CCDC178: variants seen among roughly 807,000 people sequenced by gnomAD.
CCDC178 encodes the protein coiled-coil domain-containing protein 178.
In CCDC178, 126 loss-of-function variants were observed where a neutral mutation model predicts 117.4. The observed-to-expected ratio is 1.07, with a 90% CI of 0.93 to 1.24. CCDC178 has a LOEUF of 1.24. Ranked by LOEUF, CCDC178 falls within the 50% of genes most tolerant of loss-of-function variation. The pLI, the probability that CCDC178 is intolerant of heterozygous loss-of-function variation, is 0.00. For synonymous variants in CCDC178, 283 were observed against 313.4 expected, an observed-to-expected ratio of 0.90 and a Z score of 1.02; for missense variants, 1,030 against 986.9, an observed-to-expected ratio of 1.04 and a Z score of -0.59.
chr18:32,950,451 T>G (rs2054455100), intron 22 of CCDC178, among the ~76,000 whole-genome samples: 1 of 152,208 alleles, frequency 6.6e-6, no homozygotes, highest in Non-Finnish European at 1.5e-5. Flanking sequence ...TTCCATATGC[T>G]TTGTTCAGTG....
chr18:33,222,153 C>T (rs540308440), intron 18 of CCDC178, among the ~76,000 whole-genome samples: 1 of 151,992 alleles, frequency 6.6e-6, no homozygotes, highest in Non-Finnish European at 1.5e-5. Context: ...AAGATTCTAG[C>T]CGTTTAACAA....
chr18:33,358,108 G>A (rs2063081303), intron 6 of CCDC178, among the ~76,000 whole-genome samples: 1 of 151,850 alleles, frequency 6.6e-6, no homozygotes, highest in Admixed American at 6.6e-5. Flanking sequence ...ATGTATTTGT[G>A]TATCTAAATA....
rs1599201506 is a variant in CCDC178 at position 33,348,791 on chromosome 18, A to G, written c.457+99T>C. ...ATTAAACATTCATAATAATTATAAA[A>G]TTCTTAAACATGATTATTGTGACAA... On this transcript the variant is annotated intron_variant, in intron 8 of 22. Coordinates refer to ENST00000383096, the MANE Select transcript of CCDC178 (RefSeq NM_001105528.4). 6.6e-6 allele frequency: 5 copies of G among 754,004 alleles called. No homozygotes were observed. In the East Asian group the frequency reaches 1.1e-4, roughly 17 times the overall value. 46.7% of individuals were successfully genotyped at this position (754,004 alleles called of 1,614,324 possible).
At chr18:33,308,152 A>G (rs2062283595) in intron 11 of CCDC178, among the ~76,000 whole-genome samples, 1 of 152,152 alleles carries the variant, frequency 6.6e-6, no homozygotes, top group Non-Finnish European at 1.5e-5. Context: ...GACACTCAAT[A>G]CCAGCCCATG....
chr18:33,158,962 G>A (rs1248724007), intron 20 of CCDC178, among the ~76,000 whole-genome samples: 2 of 152,048 alleles, frequency 1.3e-5, no homozygotes, highest in African/African-American at 4.8e-5. Flanking sequence ...CAATTTGACA[G>A]TATTTACTCT....
chr18:33,172,833 A>G (rs1005681950), intron 20 of CCDC178, among the ~76,000 whole-genome samples: 2 of 152,158 alleles, frequency 1.3e-5, no homozygotes, highest in African/African-American at 4.8e-5. Flanking sequence ...AGGATGCATA[A>G]TTCTTTCACT....
rs72941584 is a variant in CCDC178, at chr18:32,999,773, T to C, written c.2389-25092A>G. On this transcript the variant is annotated intron_variant, in intron 21 of 22. Coordinates refer to ENST00000383096, the MANE Select transcript of CCDC178 (RefSeq NM_001105528.4). ...CTCTATGTGTCTGTAAGAGCCACAT[T>C]TTACTGGGCTTGGGGTGATCCCTAA... 1.3e-3 allele frequency among the ~76,000 whole-genome samples: 194 copies of C among 152,240 alleles called. 2 individuals are homozygous for C. Among genetic ancestry groups the C allele is most frequent in the Middle Eastern group, 3.4e-3 (1 of 294 alleles).
intron 22 of CCDC178, among the ~76,000 whole-genome samples, chr18:32,973,729 A>C (rs991680210): frequency 1.3e-5 from 2 of 152,108 alleles, no homozygotes; most frequent in African/African-American, 4.8e-5. Flanking sequence ...TGTTTAGAAA[A>C]AGATTTGGTT....
intron 21 of CCDC178, among the ~76,000 whole-genome samples, chr18:33,006,867 G>C (rs2055761269): frequency 6.6e-6 from 1 of 151,990 alleles, no homozygotes; most frequent in Non-Finnish European, 1.5e-5. Context: ...AAGAAAAACT[G>C]ATTTCTGCCA....
chr18:33,060,778 A>G (rs959159650), intron 21 of CCDC178, among the ~76,000 whole-genome samples: 4 of 152,150 alleles, frequency 2.6e-5, no homozygotes, highest in African/African-American at 9.6e-5. Context: ...GAAAAATGGA[A>G]TATTTCTCTC....
intron 10 of CCDC178, among the ~76,000 whole-genome samples, chr18:33,325,923 C>T (rs2062578556): frequency 6.6e-6 from 1 of 152,190 alleles, no homozygotes; most frequent in Admixed American, 6.5e-5. Flanking sequence ...GTGCCAACAT[C>T]ACCCTTTTCT....
In CCDC178 at chr18:33,440,674, G is replaced by A. The variant is rs1364523333; in HGVS notation, c.-164C>T. On this transcript the variant is annotated 5_prime_UTR_variant, in exon 1 of 23. Transcript: ENST00000383096. ...TCACCGGCTCCGCGCGTTTCCCCGC[G>A]CGTCTCCCGGACCCGCGCCTGCCCA... 6.6e-6 allele frequency: 1 copy of A among 152,008 alleles called. No homozygotes were observed. Among genetic ancestry groups the A allele is most frequent in the Non-Finnish European group, 1.5e-5 (1 of 68,082 alleles). 9.4% of individuals were successfully genotyped at this position (152,008 alleles called of 1,614,324 possible).
At chr18:33,434,894 T>A (rs2064268706) in intron 2 of CCDC178, among the ~76,000 whole-genome samples, 1 of 152,166 alleles carries the variant, frequency 6.6e-6, no homozygotes, top group African/African-American at 2.4e-5. Context: ...AGTGTCTTCA[T>A]CAATTTTCAA....
chr18:33,094,411 T>C (rs1180372806), intron 20 of CCDC178, among the ~76,000 whole-genome samples: 1 of 151,976 alleles, frequency 6.6e-6, no homozygotes, highest in African/African-American at 2.4e-5. Flanking sequence ...AATCCTGAAG[T>C]GATTAACTTG....
At chr18:33,170,771 C>T (rs17740157) in intron 20 of CCDC178, among the ~76,000 whole-genome samples, 17,654 of 152,046 alleles carry the variant, frequency 0.12, 1,402 homozygotes, top group Non-Finnish European at 0.17. Flanking sequence ...TTTTTCTATC[C>T]TAAAAGCAGA....
At chr18:33,059,833 G>A (rs186044994) in intron 21 of CCDC178, among the ~76,000 whole-genome samples, 106 of 152,282 alleles carry the variant, frequency 7.0e-4, no homozygotes, top group African/African-American at 2.3e-3. Flanking sequence ...CCATGGTCAT[G>A]CTTAAAATGT....
intron 14 of CCDC178, among the ~76,000 whole-genome samples, chr18:33,251,759 C>T (rs946325559): frequency 4.0e-5 from 6 of 151,528 alleles, no homozygotes; most frequent in African/African-American, 1.5e-4. Context: ...TATCTACTGC[C>T]CCCATATACT....
intron 15 of CCDC178, among the ~76,000 whole-genome samples, chr18:33,244,378 G>A (rs567319474): frequency 2.6e-4 from 40 of 151,984 alleles, no homozygotes; most frequent in African/African-American, 8.4e-4. Context: ...GATATGGTTT[G>A]GCTTTGTGTC....
At chr18:33,160,347 A>T (rs537118340) in intron 20 of CCDC178, among the ~76,000 whole-genome samples, 5 of 152,170 alleles carry the variant, frequency 3.3e-5, no homozygotes, top group African/African-American at 1.2e-4. Flanking sequence ...TTTACTTGAC[A>T]TATATGTCTT....
Sources: gnomAD v4.1 joint callset for allele counts (sites outside exome capture counted in the v4.1 genomes callset) on GRCh38, gnomAD v4.1.1 for gene constraint, MANE v1.5 for transcripts, NCBI Gene and HGNC (gene_info 2026-07-23, HGNC 2026-07-21) for gene names.